KCNIP4: variants seen among roughly 807,000 people sequenced by gnomAD.
KCNIP4 encodes the protein potassium voltage-gated channel interacting protein 4.
Under a neutral mutation model 34.0 loss-of-function variants are expected in KCNIP4, and 12 were observed. The observed-to-expected ratio is 0.35, with a 90% CI of 0.23 to 0.57. The LOEUF is 0.57. Among genes scored for constraint, KCNIP4 ranks in the 20% least tolerant of loss-of-function variants. The pLI, the probability that KCNIP4 is intolerant of heterozygous loss-of-function variation, is 0.83. For missense variants in KCNIP4, 238 were observed against 311.7 expected (o/e 0.76, Z 1.78); for synonymous variants, 124 against 102.2 (o/e 1.21, Z -1.29).
chr4:20,765,795 T>G lies in KCNIP4; in HGVS notation c.289-6905A>C, dbSNP rs376426392. 2.0e-4 allele frequency among the ~76,000 whole-genome samples: 31 copies of G among 152,322 alleles called. No homozygotes were observed. In the East Asian group the frequency reaches 4.8e-3, roughly 24 times the overall value. ...AATGAGGTTTTCTTTGCAATATAAC[T>G]GCCATAGATTTGTCTGTTGGTGAAG... is the stretch of plus-strand genomic sequence containing the variant. On this transcript the variant is annotated intron_variant, in intron 3 of 8. Coordinates refer to ENST00000382152, the MANE Select transcript of KCNIP4 (RefSeq NM_025221.6).
intron 1 of KCNIP4, among the ~76,000 whole-genome samples, chr4:21,108,448 T>A (rs908853401): frequency 6.6e-6 from 1 of 151,788 alleles, no homozygotes; most frequent in Admixed American, 6.5e-5. Context: ...TTCACCTCCA[T>A]CAGCTCCTTT....
At chr4:21,517,249 G>A (rs568629796) in intron 1 of KCNIP4, among the ~76,000 whole-genome samples, 87 of 152,014 alleles carry the variant, frequency 5.7e-4, no homozygotes, top group Non-Finnish European at 1.1e-3. Context: ...ACGTCAGAGT[G>A]GGATCCAGGA....
intron 1 of KCNIP4, among the ~76,000 whole-genome samples, chr4:21,910,114 G>A (rs1443104163): frequency 3.3e-5 from 5 of 152,052 alleles, no homozygotes; most frequent in African/African-American, 1.2e-4. Context: ...GAGCTCATAA[G>A]GAGAACTCAG....
chr4:21,300,247 G>C (rs1711527205), intron 1 of KCNIP4, among the ~76,000 whole-genome samples: 1 of 152,018 alleles, frequency 6.6e-6, no homozygotes, highest in African/African-American at 2.4e-5. Flanking sequence ...ATTTCTCCCT[G>C]GAATGCATTA....
At chr4:20,782,517 C>G (rs1056024655) in intron 3 of KCNIP4, among the ~76,000 whole-genome samples, 1 of 152,152 alleles carries the variant, frequency 6.6e-6, no homozygotes, top group African/African-American at 2.4e-5. Flanking sequence ...TGTGCAGGCT[C>G]AACACCACAT....
intron 1 of KCNIP4, among the ~76,000 whole-genome samples, chr4:21,093,857 A>T (rs536571133): frequency 1.3e-5 from 2 of 152,118 alleles, no homozygotes; most frequent in Non-Finnish European, 2.9e-5. Flanking sequence ...CCACGGCGGG[A>T]GGATCACAAG....
At chr4:21,894,992 C>T (rs542748340) in intron 1 of KCNIP4, among the ~76,000 whole-genome samples, 24 of 152,240 alleles carry the variant, frequency 1.6e-4, no homozygotes, top group Admixed American at 1.6e-3. Flanking sequence ...TCTCTTATCT[C>T]TTCTCTCTTC....
intron 1 of KCNIP4, among the ~76,000 whole-genome samples, chr4:21,638,307 G>A (rs1210390633): frequency 6.6e-6 from 1 of 152,118 alleles, no homozygotes; most frequent in Non-Finnish European, 1.5e-5. Context: ...TACTCCACAT[G>A]TCTTCTGAAT....
In KCNIP4 at chr4:21,616,021, T is replaced by C. The variant is rs368388610; in HGVS notation, c.61+332550A>G. ...TCTTTTAAAGGTAGGTCAGACCATG[T>C]CATGCCTCTGCTTTAGCCTCCAATA... On this transcript the variant is annotated intron_variant, in intron 1 of 8. Transcript: ENST00000382152. Among the ~76,000 whole-genome samples the C allele has an allele frequency of 1.7e-3, 261 of 152,306 alleles. 10 individuals are homozygous for C. The South Asian group carries it at 0.047, about 28-fold the overall frequency.
At chr4:20,884,961 A>C (rs963829794) in intron 1 of KCNIP4, among the ~76,000 whole-genome samples, 3 of 152,056 alleles carry the variant, frequency 2.0e-5, no homozygotes, top group African/African-American at 7.2e-5. Flanking sequence ...TTGGCCTGCC[A>C]AAGTGCCAGG....
At chr4:21,528,695 GAAA>G (rs1736217888) in intron 1 of KCNIP4, among the ~76,000 whole-genome samples, 1 of 1,162 alleles carries the variant, frequency 8.6e-4, no homozygotes, top group Non-Finnish European at 1.5e-3. Context: ...AAGAAAGAAA[GAAA>G]GAAAGAAAGA....
chr4:21,324,020 A>G (rs1254683841), intron 1 of KCNIP4, among the ~76,000 whole-genome samples: 8 of 152,118 alleles, frequency 5.3e-5, no homozygotes, highest in Middle Eastern at 3.4e-3. Flanking sequence ...CACTTTTCAT[A>G]TATCTGTTTG....
chr4:20,798,177 C>A (rs1713724906), intron 3 of KCNIP4, among the ~76,000 whole-genome samples: 2 of 152,296 alleles, frequency 1.3e-5, no homozygotes, highest in Admixed American at 6.5e-5. Flanking sequence ...AATTTTATGA[C>A]CCTCACCTTA....
At chr4:20,835,502 G>A (rs1200045313) in intron 3 of KCNIP4, among the ~76,000 whole-genome samples, 1 of 151,972 alleles carries the variant, frequency 6.6e-6, no homozygotes, top group Non-Finnish European at 1.5e-5. Context: ...AGAATAAAGA[G>A]GGTTAATCAT....
chr4:21,021,849 AGTATAGTATC>A lies in KCNIP4; in HGVS notation c.62-139150_62-139141del, dbSNP rs1211373179. Among the ~76,000 whole-genome samples, 282 of 137,254 alleles carry A rather than the reference AGTATAGTATC, an allele frequency of 2.1e-3. 1 individual carries two copies. The highest frequency in any genetic ancestry group is 3.8e-3 in the African/African-American group (143 of 37,438). The allele number at this position is 137,254 out of a possible 152,430, so 90.0% of individuals were successfully genotyped here. On this transcript the variant is annotated intron_variant, in intron 1 of 8. Coordinates refer to ENST00000382152, the MANE Select transcript of KCNIP4 (RefSeq NM_025221.6). ...TGTATGCTCTAAAATAATAATGAAA[AGTATAGTATC>A]GTATAGTATAGTATAGTATAGTATA...
intron 1 of KCNIP4, among the ~76,000 whole-genome samples, chr4:21,334,301 C>T (rs1186981115): frequency 6.6e-6 from 1 of 151,770 alleles, no homozygotes; most frequent in Non-Finnish European, 1.5e-5. Context: ...GATTAAAATG[C>T]CCACTATGTA....
intron 1 of KCNIP4, among the ~76,000 whole-genome samples, chr4:21,479,416 T>C (rs1293733606): frequency 6.6e-6 from 1 of 152,136 alleles, no homozygotes; most frequent in Non-Finnish European, 1.5e-5. Context: ...ATAGCAAAGC[T>C]CACATGGAAT....
chr4:21,025,884 G>T (rs928036141), intron 1 of KCNIP4, among the ~76,000 whole-genome samples: 6 of 152,026 alleles, frequency 3.9e-5, no homozygotes, highest in Non-Finnish European at 7.4e-5. Flanking sequence ...TTATTTTAAT[G>T]ATTTAATAAC....
At chr4:21,001,663 A>C (rs1738147739) in intron 1 of KCNIP4, among the ~76,000 whole-genome samples, 1 of 152,194 alleles carries the variant, frequency 6.6e-6, no homozygotes, top group African/African-American at 2.4e-5. Context: ...TACTCTGTTA[A>C]AGATACGGTA....
Sources: gnomAD v4.1 joint callset for allele counts (sites outside exome capture counted in the v4.1 genomes callset) on GRCh38, gnomAD v4.1.1 for gene constraint, MANE v1.5 for transcripts, NCBI Gene and HGNC (gene_info 2026-07-23, HGNC 2026-07-21) for gene names.